Variants in ABCC9 observed in about 807,000 individuals in gnomAD.
The protein encoded by ABCC9 is ATP-binding cassette sub-family C member 9.
A neutral mutation model predicts 188.3 loss-of-function variants in ABCC9; 95 were observed. The observed-to-expected ratio is 0.50, with a 90% CI of 0.43 to 0.60. The LOEUF is 0.60. Among genes scored for constraint, ABCC9 ranks in the 20% least tolerant of loss-of-function variants. The probability of loss-of-function intolerance (pLI) is 0.00; values close to 1 mark genes in which losing one functional copy is unlikely to be tolerated. For missense variants in ABCC9, 1,102 were observed against 1,876.3 expected, an observed-to-expected ratio of 0.59 and a Z score of 7.62; for synonymous variants, 659 against 652.7, an observed-to-expected ratio of 1.01 and a Z score of -0.15.
chr12:21,889,939 CTGA>C (rs1381870431), intron 14 of ABCC9, among the ~76,000 whole-genome samples: 1 of 152,142 alleles, frequency 6.6e-6, no homozygotes, highest in South Asian at 2.1e-4. Context: ...ATCTCCAGCA[CTGA>C]TGTTTTGTCA....
At chr12:21,825,871 TTC>T (rs1943350675) in intron 31 of ABCC9, among the ~76,000 whole-genome samples, 1 of 152,192 alleles carries the variant, frequency 6.6e-6, no homozygotes, top group African/African-American at 2.4e-5. Context: ...CTACTCTGGT[TTC>T]TCTCTCTTCT....
chr12:21,848,263 A>G lies in ABCC9; in HGVS notation c.2770-17T>C. 1.2e-6 allele frequency: 2 copies of G among 1,605,512 alleles called. No homozygotes were observed. Among genetic ancestry groups the G allele is most frequent in the Non-Finnish European group, 1.7e-6 (2 of 1,172,538 alleles). ...TTCCATATCCTGCAGTAAACATTGT[A>G]CTATCATGCAAGGAGCTAACACCAA... is the stretch of plus-strand genomic sequence containing the variant. On this transcript the variant is annotated splice_polypyrimidine_tract_variant and intron_variant, in intron 24 of 39. Transcript: ENST00000261200.
chr12:21,915,381 TAG>T (rs1448826553), intron 7 of ABCC9, among the ~76,000 whole-genome samples: 18 of 140,606 alleles, frequency 1.3e-4, no homozygotes, highest in African/African-American at 2.4e-4. Context: ...TGTGTATATA[TAG>T]ACATGTGTAT....
chr12:21,884,986 A>T (rs182125653), intron 15 of ABCC9, among the ~76,000 whole-genome samples: 1 of 152,298 alleles, frequency 6.6e-6, no homozygotes, highest in Admixed American at 6.5e-5. Flanking sequence ...CTGTAACATT[A>T]TTGCCCCCAC....
At chr12:21,910,758 G>A (rs1051758963) in intron 9 of ABCC9, 68 bp downstream of exon 9, 6 of 1,418,932 alleles carry the variant, frequency 4.2e-6, no homozygotes, top group East Asian at 2.3e-5. Flanking sequence ...TGAAGCTACC[G>A]CTATTCTTTT....
At chr12:21,882,648 T>G in intron 16 of ABCC9, 118 bp downstream of exon 16, 1 of 892,556 alleles carries the variant, frequency 1.1e-6, no homozygotes, top group South Asian at 1.5e-5. Flanking sequence ...TTATTAGGGT[T>G]AATGACAACT....
In ABCC9 at chr12:21,864,000, TC is replaced by T. The variant is rs200306432; in HGVS notation, c.2237+438del. On this transcript the variant is annotated intron_variant, in intron 19 of 39. Coordinates refer to ENST00000261200, the MANE Select transcript of ABCC9 (RefSeq NM_020297.4). ...TTCCCAACCTCTGACATGCCTGCTT[TC>T]CCCCCCACCCCACTCAGCTCTTTAA... is the stretch of plus-strand genomic sequence containing the variant. 6.5e-3 allele frequency among the ~76,000 whole-genome samples: 980 copies of T among 151,904 alleles called. 8 individuals are homozygous for T. The highest frequency in any genetic ancestry group is 0.022 in the African/African-American group (905 of 41,404).
At chr12:21,842,992 T>C (rs1301978881) in intron 28 of ABCC9, among the ~76,000 whole-genome samples, 1 of 152,160 alleles carries the variant, frequency 6.6e-6, no homozygotes, top group Non-Finnish European at 1.5e-5. Flanking sequence ...CAAATTTTTG[T>C]TCCCAGTTAT....
chr12:21,852,607 C>T, intron 22 of ABCC9, 102 bp from the exon 23 acceptor site: 1 of 1,326,890 alleles, frequency 7.5e-7, no homozygotes, highest in Non-Finnish European at 1.1e-6. Context: ...GGCAAATCAT[C>T]CCCCAAATCT....
intron 39 of ABCC9, 75 bp from the exon 40 acceptor site, chr12:21,801,256 C>T: frequency 6.3e-7 from 1 of 1,582,116 alleles, no homozygotes; most frequent in Non-Finnish European, 8.6e-7. Context: ...ATGTATATTT[C>T]ATGAATTATT....
chr12:21,850,577 A>AG (rs1944911971), intron 24 of ABCC9, among the ~76,000 whole-genome samples: 2 of 152,090 alleles, frequency 1.3e-5, no homozygotes, highest in Non-Finnish European at 2.9e-5. Context: ...ATGCTATCTC[A>AG]AGTGATCACT....
intron 24 of ABCC9, among the ~76,000 whole-genome samples, chr12:21,849,103 A>G (rs1299114492): frequency 1.3e-5 from 2 of 152,126 alleles, no homozygotes; most frequent in East Asian, 3.9e-4. Context: ...GGGGAAATGT[A>G]TTCTGAATTC....
rs1398068294 is a variant in ABCC9, at chr12:21,799,881, A to G, written c.*1163T>C. On this transcript the variant is annotated 3_prime_UTR_variant, in exon 40 of 40. Transcript: ENST00000261200. Reference sequence around the variant, plus strand: ...TGAATTTATTAATTTTCATTTAAGCAAAACCTAACACTAATATCCCATCAA... The same window carrying G: ...TGAATTTATTAATTTTCATTTAAGCGAAACCTAACACTAATATCCCATCAA... 2.0e-5 allele frequency: 3 copies of G among 152,206 alleles called. No homozygotes were observed. The highest frequency in any genetic ancestry group is 4.4e-5 in the Non-Finnish European group (3 of 68,036). The allele number at this position is 152,206 out of a possible 1,614,324, so 9.4% of individuals were successfully genotyped here.
intron 24 of ABCC9, among the ~76,000 whole-genome samples, chr12:21,849,075 C>A (rs1565736159): frequency 6.6e-6 from 1 of 152,214 alleles, no homozygotes; most frequent in East Asian, 1.9e-4. Context: ...GGAAAACCAA[C>A]CATTTCCCCT....
intron 31 of ABCC9, among the ~76,000 whole-genome samples, chr12:21,819,166 T>A (rs1478998715): frequency 6.6e-6 from 1 of 152,172 alleles, no homozygotes; most frequent in African/African-American, 2.4e-5. Flanking sequence ...TTCTGTCTCA[T>A]CATTCAAAAA....
At chr12:21,805,868 T>G in intron 39 of ABCC9, 130 bp downstream of exon 39, 1 of 935,450 alleles carries the variant, frequency 1.1e-6, no homozygotes, top group East Asian at 2.4e-5. Context: ...TTTTCTTTTT[T>G]GCACAGATAC....
intron 20 of ABCC9, 29 bp downstream of exon 20, chr12:21,862,924 G>T: frequency 1.4e-6 from 2 of 1,423,608 alleles, no homozygotes; most frequent in South Asian, 1.1e-5. Flanking sequence ...TTGCCATTTT[G>T]GTTCTAAATT....
At chr12:21,816,878 AT>A (rs1405259413) in intron 33 of ABCC9, among the ~76,000 whole-genome samples, 1 of 152,204 alleles carries the variant, frequency 6.6e-6, no homozygotes, top group Admixed American at 6.5e-5. Flanking sequence ...ATCTAAGTTA[AT>A]AACGTCTTGA....
At chr12:21,815,739 A>T in intron 34 of ABCC9, 24 bp downstream of exon 34, 1 of 1,611,046 alleles carries the variant, frequency 6.2e-7, no homozygotes, top group Non-Finnish European at 8.5e-7. Context: ...TGTATACAAC[A>T]TATCAAATGC....
Sources: allele counts gnomAD v4.1 joint callset (sites outside exome capture counted in the v4.1 genomes callset), GRCh38; gene constraint gnomAD v4.1.1; transcripts MANE v1.5; gene names NCBI Gene and HGNC (gene_info 2026-07-23, HGNC 2026-07-21).